Variants in ARL8A observed in about 807,000 individuals in gnomAD.
ARL8A encodes the protein ADP-ribosylation factor-like protein 8A.
ARL8A carries 10 observed loss-of-function variants against 31.2 expected under a neutral mutation model. The observed-to-expected ratio is 0.32, with a 90% confidence interval of 0.20 to 0.54. The LOEUF (loss-of-function observed/expected upper bound fraction) is 0.54. Among genes scored for constraint, ARL8A ranks in the 20% least tolerant of loss-of-function variants. The pLI, the probability that ARL8A is intolerant of heterozygous loss-of-function variation, is 0.93. For synonymous variants in ARL8A, 70 were observed against 86.9 expected (o/e 0.81, Z 1.08); for missense variants, 129 against 242.8 (o/e 0.53, Z 3.12).
In ARL8A at chr1:202,134,245, G is replaced by C. The variant is rs150734783; in HGVS notation, c.*222C>G. ...GGCTGGGTGATGGGACAAAGGCAGCGGGGAAGGGTGAGAAGTTAGGGGACC... is the reference window on the plus strand; with the variant it reads ...GGCTGGGTGATGGGACAAAGGCAGCCGGGAAGGGTGAGAAGTTAGGGGACC... On this transcript the variant is annotated 3_prime_UTR_variant, in exon 7 of 7. Coordinates refer to ENST00000272217, the MANE Select transcript of ARL8A (RefSeq NM_138795.4). This position sits in a 1 kb window ranked among gnomAD's most constrained non-coding sequence, Gnocchi z 4.2. 281 of 557,374 alleles carry C rather than the reference G, an allele frequency of 5.0e-4. 1 individual carries two copies. Among genetic ancestry groups the C allele is most frequent in the Middle Eastern group, 3.4e-3 (7 of 2,082 alleles). 34.5% of individuals were successfully genotyped at this position (557,374 alleles called of 1,614,324 possible).
intron 3 of ARL8A, 38 bp downstream of exon 3, chr1:202,137,927 G>C (rs1253362289): frequency 6.2e-7 from 1 of 1,611,720 alleles, no homozygotes; most frequent in Admixed American, 1.7e-5. Flanking sequence ...GGGGGGCCGG[G>C]TAAGGCTGGA....
chr1:202,144,598 T>G lies in ARL8A; in HGVS notation c.-26A>C. 7.2e-7 allele frequency: 1 copy of G among 1,391,872 alleles called. No individual in the cohort carries two copies. The highest frequency in any genetic ancestry group is 1.2e-5 in the South Asian group (1 of 80,858). The allele number at this position is 1,391,872 out of a possible 1,614,324, so 86.2% of individuals were successfully genotyped here. A position where few individuals can be genotyped will look rare whatever the true frequency, so the allele number is the denominator to read the frequency against. ...GGTCGCTGCCGCCGGCCCCGCCCGGTGCCAGGTCCCCGCCGCCCCTCGCTG... is the reference window on the plus strand; with the variant it reads ...GGTCGCTGCCGCCGGCCCCGCCCGGGGCCAGGTCCCCGCCGCCCCTCGCTG... On this transcript the variant is annotated 5_prime_UTR_variant, in exon 1 of 7. Coordinates refer to ENST00000272217, the MANE Select transcript of ARL8A (RefSeq NM_138795.4). This position sits in a 1 kb window ranked among gnomAD's most constrained non-coding sequence, Gnocchi z 5.2.
At chr1:202,139,632 CTTTTTTTTTTTTTTTT>C (rs71141457) in intron 1 of ARL8A, among the ~76,000 whole-genome samples, 13 of 50,568 alleles carry the variant, frequency 2.6e-4, no homozygotes, top group South Asian at 1.1e-3. Flanking sequence ...AGCCCTGTTC[CTTTTTTTTTTTTTTTT>C]TTTTTTTTTT....
chr1:202,138,489 A>G lies in ARL8A; in HGVS notation c.124-41T>C, dbSNP rs781175535. Reference sequence around the variant, plus strand: ...AGAATGGGAAACAGTGCAAAAATCGATATGCCCCCACCGCAGACCAAGAGG... The same window carrying G: ...AGAATGGGAAACAGTGCAAAAATCGGTATGCCCCCACCGCAGACCAAGAGG... On this transcript the variant is annotated intron_variant, in intron 1 of 6. Transcript: ENST00000272217. This position sits in a 1 kb window ranked among gnomAD's most constrained non-coding sequence, Gnocchi z 4.4. 4 of 1,583,224 alleles carry G rather than the reference A, an allele frequency of 2.5e-6. No individual in the cohort carries two copies. The East Asian group carries it at 6.7e-5, about 27-fold the overall frequency.
rs763016185 is a variant in ARL8A, at chr1:202,135,668, C to T, written c.372+39G>A. 7 of 1,597,872 alleles carry T rather than the reference C, an allele frequency of 4.4e-6. No individual in the cohort carries two copies. Among genetic ancestry groups the T allele is most frequent in the East Asian group, 4.5e-5 (2 of 44,710 alleles). ...TACCTGCTCCCAGTGACTTCCCAGC[C>T]GAGCTCCCTCCCCATCCCGCTCCCT... is the stretch of plus-strand genomic sequence containing the variant. On this transcript the variant is annotated intron_variant, in intron 4 of 6. Transcript: ENST00000272217. This position sits in a 1 kb window ranked among gnomAD's most constrained non-coding sequence, Gnocchi z 5.3.
chr1:202,142,436 C>A (rs1016296289), intron 1 of ARL8A, among the ~76,000 whole-genome samples: 1 of 152,146 alleles, frequency 6.6e-6, no homozygotes, highest in South Asian at 2.1e-4. Flanking sequence ...TGATTATACA[C>A]GGGGTGGGCA....
chr1:202,134,648 G>A lies in ARL8A; in HGVS notation c.512-132C>T. 3.7e-6 allele frequency: 3 copies of A among 807,566 alleles called. No individual in the cohort carries two copies. Among genetic ancestry groups the A allele is most frequent in the South Asian group, 1.5e-5 (1 of 68,856 alleles). 50.0% of individuals were successfully genotyped at this position (807,566 alleles called of 1,614,324 possible). ...TGCCAGGAGGGGTGGCGCACACCTG[G>A]AGTCTCAGCTACATGGGAAGCTCAG... On this transcript the variant is annotated intron_variant, in intron 6 of 6. Coordinates refer to ENST00000272217, the MANE Select transcript of ARL8A (RefSeq NM_138795.4). This position sits in a 1 kb window ranked among gnomAD's most constrained non-coding sequence, Gnocchi z 4.2.
intron 1 of ARL8A, among the ~76,000 whole-genome samples, chr1:202,141,012 C>T (rs1228290995): frequency 6.6e-6 from 1 of 152,166 alleles, no homozygotes; most frequent in African/African-American, 2.4e-5. Flanking sequence ...GGGGAACCAT[C>T]ACTGCTCTTT....
At position 202,138,833 on chromosome 1, in the gene ARL8A, G is replaced by A. The variant is rs950998146; in HGVS notation, c.124-385C>T. Among the ~76,000 whole-genome samples, 1 of 152,166 alleles carries A rather than the reference G, an allele frequency of 6.6e-6. No homozygotes were observed. The highest frequency in any genetic ancestry group is 6.5e-5 in the Admixed American group (1 of 15,278). ...CAAGTCATGTTCTAATAGTTAAGGA[G>A]GATCTCAAAGAAAGCAGATGAATTT... is the stretch of plus-strand genomic sequence containing the variant. On this transcript the variant is annotated intron_variant, in intron 1 of 6. Coordinates refer to ENST00000272217, the MANE Select transcript of ARL8A (RefSeq NM_138795.4). The surrounding 1 kb of genome is among the most constrained non-coding windows in gnomAD (Gnocchi z 4.4).
chr1:202,144,044 C>T lies in ARL8A; in HGVS notation c.123+406G>A, dbSNP rs1655235429. Among the ~76,000 whole-genome samples the T allele has an allele frequency of 6.6e-6, 1 of 152,226 alleles. No homozygotes were observed. The highest frequency in any genetic ancestry group is 6.5e-5 in the Admixed American group (1 of 15,286). On this transcript the variant is annotated intron_variant, in intron 1 of 6. Coordinates refer to ENST00000272217, the MANE Select transcript of ARL8A (RefSeq NM_138795.4). This position sits in a 1 kb window ranked among gnomAD's most constrained non-coding sequence, Gnocchi z 5.2. ...CCTCTCGGCCGCCCCGTCCCGTGAC[C>T]CTCTACCCGCGGGACAGGAAGGCCC...
intron 3 of ARL8A, among the ~76,000 whole-genome samples, chr1:202,136,893 C>T (rs536801395): frequency 6.6e-6 from 1 of 150,884 alleles, no homozygotes; most frequent in East Asian, 2.0e-4. Context: ...CTCGCTTTGT[C>T]GCCCAGGCTG....
chr1:202,141,162 C>T (rs916080582), intron 1 of ARL8A, among the ~76,000 whole-genome samples: 16 of 152,248 alleles, frequency 1.1e-4, no homozygotes, highest in South Asian at 1.0e-3. Flanking sequence ...AGCTGTGAAT[C>T]GGAGCTAAGG....
At chr1:202,137,415 G>A (rs1028437614) in intron 3 of ARL8A, among the ~76,000 whole-genome samples, 4 of 152,132 alleles carry the variant, frequency 2.6e-5, no homozygotes, top group Middle Eastern at 3.2e-3. Context: ...ATCACCTGAG[G>A]TCGGGAGTTC....
chr1:202,135,166 T>G lies in ARL8A; in HGVS notation c.495A>C (p.Lys165Asn). 1 of 1,614,072 alleles carries G rather than the reference T, an allele frequency of 6.2e-7. No individual in the cohort carries two copies. The highest frequency in any genetic ancestry group is 8.5e-7 in the Non-Finnish European group (1 of 1,179,958). Reference protein sequence around the residue: ...REICCYSISCKEKDNIDITLQ... With the variant: ...REICCYSISCNEKDNIDITLQ... ...CCTACGCACCAATGTTGTCCTTTTC[T>G]TTGCAAGAGATGGAGTAGCAGCAGA... The change falls in exon 6 of 7, where the codon AAA becomes AAC. Residue 165 changes from lysine (K) to asparagine (N), a missense_variant. Coordinates refer to ENST00000272217, the MANE Select transcript of ARL8A (RefSeq NM_138795.4). This position sits in a 1 kb window ranked among gnomAD's most constrained non-coding sequence, Gnocchi z 5.3.
In ARL8A at chr1:202,144,467, A is replaced by G; in HGVS notation, c.106T>C (p.Phe36Leu). The G allele has an allele frequency of 2.7e-6, 4 of 1,457,660 alleles. No individual in the cohort carries two copies. The highest frequency in any genetic ancestry group is 3.7e-6 in the Non-Finnish European group (4 of 1,083,944). The allele number at this position is 1,457,660 out of a possible 1,614,324, so 90.3% of individuals were successfully genotyped here. A position where few individuals can be genotyped will look rare whatever the true frequency, so the allele number is the denominator to read the frequency against. ...VGLQYSGKTT[F>L]VNVIASGQFN... ...CCTCGTACCGCGATCACGTTGACGA[A>G]GGTGGTCTTGCCCGAGTACTGAAGC... Residue 36 changes from phenylalanine (F) to leucine (L), a missense_variant, in exon 1 of 7, where the codon TTC (phenylalanine) becomes CTC (leucine). Transcript: ENST00000272217. This position sits in a 1 kb window ranked among gnomAD's most constrained non-coding sequence, Gnocchi z 5.2.
chr1:202,136,406 A>C (rs1459647559), intron 3 of ARL8A, among the ~76,000 whole-genome samples: 1 of 152,034 alleles, frequency 6.6e-6, no homozygotes, highest in Non-Finnish European at 1.5e-5. Flanking sequence ...CAACCTCCCA[A>C]GTAACTGGGA....
At position 202,134,611 on chromosome 1, in the gene ARL8A, G is replaced by A. The variant is rs1052272777; in HGVS notation, c.512-95C>T. On this transcript the variant is annotated intron_variant, in intron 6 of 6. Coordinates refer to ENST00000272217, the MANE Select transcript of ARL8A (RefSeq NM_138795.4). The surrounding 1 kb of genome is among the most constrained non-coding windows in gnomAD (Gnocchi z 4.2). The stretch of plus-strand genomic sequence containing the variant: ...CAAGAAACCAAACCTAAGGGTATCA[G>A]AAGTCCAGAGATGCCAGGAGGGGTG... 17 of 1,136,480 alleles carry A rather than the reference G, an allele frequency of 1.5e-5. No individual in the cohort carries two copies. The highest frequency in any genetic ancestry group is 2.1e-5 in the Non-Finnish European group (16 of 747,788). 70.4% of individuals were successfully genotyped at this position (1,136,480 alleles called of 1,614,324 possible).
chr1:202,135,632 T>C lies in ARL8A; in HGVS notation c.372+75A>G, dbSNP rs1486841995. 6.3e-7 allele frequency: 1 copy of C among 1,577,606 alleles called. No homozygotes were observed. The highest frequency in any genetic ancestry group is 8.7e-7 in the Non-Finnish European group (1 of 1,147,592). The stretch of plus-strand genomic sequence containing the variant: ...CCGTTTCCTCTCTGCGCCCCTACCA[T>C]GCCTGGCTTTTACCTGCTCCCAGTG... On this transcript the variant is annotated intron_variant, in intron 4 of 6. Coordinates refer to ENST00000272217, the MANE Select transcript of ARL8A (RefSeq NM_138795.4). The surrounding 1 kb of genome is among the most constrained non-coding windows in gnomAD (Gnocchi z 5.3).
Position 202,135,636 on chromosome 1 carries a change from T to C in ARL8A, c.372+71A>G. The C allele has an allele frequency of 3.2e-6, 5 of 1,581,672 alleles. No homozygotes were observed. Among genetic ancestry groups the C allele is most frequent in the South Asian group, 1.1e-5 (1 of 90,350 alleles). On this transcript the variant is annotated intron_variant, in intron 4 of 6. Transcript: ENST00000272217. The surrounding 1 kb of genome is among the most constrained non-coding windows in gnomAD (Gnocchi z 5.3). ...TTCCTCTCTGCGCCCCTACCATGCC[T>C]GGCTTTTACCTGCTCCCAGTGACTT...
Sources: allele counts gnomAD v4.1 joint callset (sites outside exome capture counted in the v4.1 genomes callset), GRCh38; gene constraint gnomAD v4.1.1; non-coding constraint Gnocchi (gnomAD v3.1); transcripts MANE v1.5; gene names NCBI Gene and HGNC (gene_info 2026-07-23, HGNC 2026-07-21).